The following LRRIQ1 variants were observed in gnomAD, a reference collection of about 807,000 sequenced individuals.
LRRIQ1 encodes leucine rich repeats and IQ motif containing 1, also known as leucine-rich repeat- and IQ domain-containing protein 1.
LRRIQ1 carries 210 observed loss-of-function variants against 211.9 expected under a neutral mutation model. The ratio of observed to expected loss-of-function variants is 0.99; its 90% confidence interval spans 0.89 to 1.11. LRRIQ1 has a LOEUF of 1.11. LRRIQ1 is among the 50% of genes most tolerant of loss of function. The pLI is 0.00. For synonymous variants in LRRIQ1, 699 were observed against 650.1 expected (o/e 1.08, Z -1.14); for missense variants, 2,136 against 1,939.5 (o/e 1.10, Z -1.90).
chr12:85,261,801 A>G (rs113477331), intron 1 of LRRIQ1, among the ~76,000 whole-genome samples: 3,061 of 149,116 alleles, frequency 0.021, 92 homozygotes, highest in African/African-American at 0.07. Context: ...TTATTTATTT[A>G]TTTTTGAGAC....
chr12:85,060,732 A>C (rs1881694435), intron 8 of LRRIQ1, among the ~76,000 whole-genome samples: 1 of 151,854 alleles, frequency 6.6e-6, no homozygotes, highest in Admixed American at 6.6e-5. Flanking sequence ...CCACTGAATA[A>C]ATGTTCTGAA....
chr12:85,244,652 C>T, intron 26 of LRRIQ1, 137 bp from the exon 27 acceptor site: 2 of 751,708 alleles, frequency 2.7e-6, no homozygotes, highest in Non-Finnish European at 4.4e-6. Flanking sequence ...GCCTGGGCAG[C>T]AATAAAGGAT....
At chr12:85,043,322 A>AG (rs1879121832) in intron 3 of LRRIQ1, among the ~76,000 whole-genome samples, 1 of 152,074 alleles carries the variant, frequency 6.6e-6, no homozygotes, top group African/African-American at 2.4e-5. Context: ...TACAAAAAAA[A>AG]TAGCTCATTA....
At chr12:85,186,224 T>A (rs1892222852) in intron 24 of LRRIQ1, among the ~76,000 whole-genome samples, 1 of 152,202 alleles carries the variant, frequency 6.6e-6, no homozygotes, top group African/African-American at 2.4e-5. Context: ...GGATTAAGAC[T>A]AGAATTAAGC....
chr12:85,228,105 G>A (rs1020111368), intron 24 of LRRIQ1, among the ~76,000 whole-genome samples: 9 of 152,136 alleles, frequency 5.9e-5, no homozygotes, highest in African/African-American at 2.2e-4. Context: ...TCAGGACATA[G>A]GCATGGGCAA....
intron 24 of LRRIQ1, among the ~76,000 whole-genome samples, chr12:85,191,820 T>TG (rs1892524977): frequency 6.6e-6 from 1 of 151,886 alleles, no homozygotes; most frequent in Non-Finnish European, 1.5e-5. Context: ...TTATATTAAG[T>TG]GGGGGGTAGT....
At chr12:85,090,623 A>G (rs1885283371) in intron 11 of LRRIQ1, among the ~76,000 whole-genome samples, 3 of 152,190 alleles carry the variant, frequency 2.0e-5, no homozygotes, top group South Asian at 2.1e-4. Flanking sequence ...AGCCCCTTTC[A>G]TTTGGCTGAT....
chr12:85,066,713 G>A, intron 9 of LRRIQ1, 35 bp from the exon 10 acceptor site: 4 of 1,537,694 alleles, frequency 2.6e-6, no homozygotes, highest in Non-Finnish European at 3.5e-6. Context: ...ATAAGCCATT[G>A]AAATAAAACT....
chr12:85,052,082 A>G (rs866449719), intron 6 of LRRIQ1, 95 bp from the exon 7 acceptor site: 4 of 711,620 alleles, frequency 5.6e-6, no homozygotes, highest in South Asian at 4.7e-5. Context: ...AGCTTTAACT[A>G]TTGTTTACAA....
chr12:85,043,363 C>T (rs547034185), intron 3 of LRRIQ1, among the ~76,000 whole-genome samples: 2 of 151,982 alleles, frequency 1.3e-5, no homozygotes, highest in Non-Finnish European at 2.9e-5. Flanking sequence ...AACCTGTTGG[C>T]TGGAGAGTTC....
exon 2 of LRRIQ1, chr12:85,263,713 T>C (rs1295099296): frequency 6.6e-6 from 1 of 152,058 alleles, no homozygotes; most frequent in African/African-American, 2.4e-5. Context: ...ATGCTAATTT[T>C]GGTTCATTTA....
At chr12:85,179,299 G>A (rs1302139021) in intron 24 of LRRIQ1, among the ~76,000 whole-genome samples, 3 of 151,850 alleles carry the variant, frequency 2.0e-5, no homozygotes, top group South Asian at 2.1e-4. Context: ...TGACTTCAGT[G>A]TCTCTTGCCT....
intron 24 of LRRIQ1, among the ~76,000 whole-genome samples, chr12:85,167,410 A>T (rs1218687896): frequency 6.6e-6 from 1 of 152,202 alleles, no homozygotes; most frequent in East Asian, 1.9e-4. Flanking sequence ...CCTCAAAAGT[A>T]GGGAAGCCAA....
At chr12:85,256,417 T>A (rs1896094754) in intron 1 of LRRIQ1, among the ~76,000 whole-genome samples, 1 of 151,650 alleles carries the variant, frequency 6.6e-6, no homozygotes, top group Non-Finnish European at 1.5e-5. Context: ...CTAGCTAATG[T>A]GCAAAAATAA....
At chr12:85,237,379 G>A (rs747969685) in intron 26 of LRRIQ1, among the ~76,000 whole-genome samples, 1 of 152,078 alleles carries the variant, frequency 6.6e-6, no homozygotes, top group Admixed American at 6.6e-5. Flanking sequence ...TGAAAAGAAA[G>A]AGAGAAAGGA....
At chr12:85,137,741 C>A in intron 18 of LRRIQ1, 109 bp from the exon 19 acceptor site, 2 of 860,970 alleles carry the variant, frequency 2.3e-6, no homozygotes, top group East Asian at 3.0e-5. Context: ...ATTATTGTGT[C>A]ATTAAACTTA....
chr12:85,187,305 G>C (rs1172246291), intron 24 of LRRIQ1, among the ~76,000 whole-genome samples: 2 of 152,118 alleles, frequency 1.3e-5, no homozygotes, highest in Non-Finnish European at 2.9e-5. Flanking sequence ...CATGTGTTTA[G>C]ACATGGTTTG....
intron 14 of LRRIQ1, 83 bp downstream of exon 14, chr12:85,104,160 A>G (rs766376674): frequency 2.3e-5 from 14 of 598,124 alleles, no homozygotes; most frequent in Admixed American, 3.9e-5. Context: ...TTTTAAATGC[A>G]TAAGTTAATG....
chr12:85,206,967 G>A (rs1322696429), intron 24 of LRRIQ1, among the ~76,000 whole-genome samples: 4 of 152,118 alleles, frequency 2.6e-5, no homozygotes, highest in Non-Finnish European at 5.9e-5. Context: ...TTGCTCCCCT[G>A]CAGATGTTCC....
Sources: allele counts gnomAD v4.1 joint callset (sites outside exome capture counted in the v4.1 genomes callset), GRCh38; gene constraint gnomAD v4.1.1; transcripts MANE v1.5; gene names NCBI Gene and HGNC (gene_info 2026-07-23, HGNC 2026-07-21).